ATF7: variants seen among roughly 807,000 people sequenced by gnomAD.
ATF7 encodes activating transcription factor 7, also known as cyclic AMP-dependent transcription factor ATF-7.
ATF7 carries 10 observed loss-of-function variants against 50.4 expected under a neutral mutation model. The observed-to-expected ratio is 0.20, with a 90% confidence interval of 0.12 to 0.34. The LOEUF is 0.34. Ranked by LOEUF, ATF7 falls within the 10% of genes least tolerant of loss-of-function variation. The pLI, the probability that ATF7 is intolerant of heterozygous loss-of-function variation, is 1.00. For missense variants in ATF7, 465 were observed against 613.9 expected (o/e 0.76, Z 2.56); for synonymous variants, 201 against 226.4 (o/e 0.89, Z 1.01).
intron 1 of ATF7, among the ~76,000 whole-genome samples, chr12:53,624,234 T>C (rs1944512234): frequency 1.3e-5 from 2 of 152,190 alleles, no homozygotes; most frequent in South Asian, 4.1e-4. Context: ...CAGTAGTTAA[T>C]GCTAACGGGT....
Position 53,524,525 on chromosome 12 carries a change from AT to A in ATF7, c.1125+38del, listed in dbSNP as rs780935031. On this transcript the variant is annotated intron_variant, in intron 10 of 11. Coordinates refer to ENST00000420353, the MANE Select transcript of ATF7 (RefSeq NM_006856.3). The surrounding 1 kb of genome is among the most constrained non-coding windows in gnomAD (Gnocchi z 4.6). ...TTTCTGATTCCATCCCACTTTCTGGATTTTCAACAATTCCAATAAGCATCCA... is the reference window on the plus strand; with the variant it reads ...TTTCTGATTCCATCCCACTTTCTGGATTTCAACAATTCCAATAAGCATCCA... 32 of 1,606,594 alleles carry A rather than the reference AT, an allele frequency of 2.0e-5. No homozygotes were observed. Among genetic ancestry groups the A allele is most frequent in the South Asian group, 1.2e-4 (11 of 90,096 alleles).
chr12:53,575,405 C>A (rs1380232739), intron 2 of ATF7, among the ~76,000 whole-genome samples: 6 of 123,736 alleles, frequency 4.8e-5, no homozygotes, highest in Non-Finnish European at 8.2e-5. Context: ...AAAACTCTGT[C>A]TTAAAAAAAA....
rs1938980920 is a variant in ATF7 at position 53,532,709 on chromosome 12, T to C, written c.661-86A>G. 1.1e-5 allele frequency: 11 copies of C among 963,386 alleles called. No individual in the cohort carries two copies. The South Asian group carries it at 1.2e-4, about 11-fold the overall frequency. 59.7% of individuals were successfully genotyped at this position (963,386 alleles called of 1,614,324 possible). ...ACAGTTTCCCTAAAATGAAGCGCTT[T>C]TGAGATTGGCACATCAGGGCCTGTT... On this transcript the variant is annotated intron_variant, in intron 7 of 11. Coordinates refer to ENST00000420353, the MANE Select transcript of ATF7 (RefSeq NM_006856.3).
At chr12:53,609,187 T>A (rs1211242330) in intron 1 of ATF7, among the ~76,000 whole-genome samples, 1 of 150,230 alleles carries the variant, frequency 6.7e-6, no homozygotes, top group Non-Finnish European at 1.5e-5. Context: ...AGGGTTCTGC[T>A]CTTGTTGCCC....
chr12:53,557,393 G>A (rs749484897), intron 2 of ATF7, among the ~76,000 whole-genome samples: 2 of 152,052 alleles, frequency 1.3e-5, no homozygotes, highest in Admixed American at 1.3e-4. Flanking sequence ...GTAGAGACAG[G>A]GTTTCACCAT....
chr12:53,573,902 G>C (rs1316075979), intron 2 of ATF7, among the ~76,000 whole-genome samples: 1 of 152,204 alleles, frequency 6.6e-6, no homozygotes, highest in Non-Finnish European at 1.5e-5. Flanking sequence ...GAAGTTTATA[G>C]TCCAGGGCAT....
intron 9 of ATF7, among the ~76,000 whole-genome samples, chr12:53,528,756 C>A (rs1216544160): frequency 6.6e-6 from 1 of 151,202 alleles, no homozygotes; most frequent in Non-Finnish European, 1.5e-5. Flanking sequence ...GAGCGAGACT[C>A]CATCTTAAAA....
In ATF7 at chr12:53,626,353, C is replaced by T. The variant is rs1236198086; in HGVS notation, c.-96G>A. 1 of 152,812 alleles carries T rather than the reference C, an allele frequency of 6.5e-6. No homozygotes were observed. The highest frequency in any genetic ancestry group is 1.5e-5 in the Non-Finnish European group (1 of 68,152). The allele number at this position is 152,812 out of a possible 1,614,324, so 9.5% of individuals were successfully genotyped here. On this transcript the variant is annotated 5_prime_UTR_variant, in exon 1 of 12. Transcript: ENST00000420353. ...CTGTCTCCAGCTCCTCCTTTCCCCC[C>T]TTGGCGGAACGGATACTTTCCTCCC...
At chr12:53,623,446 G>A (rs553911748) in intron 1 of ATF7, among the ~76,000 whole-genome samples, 3 of 152,154 alleles carry the variant, frequency 2.0e-5, no homozygotes, top group Non-Finnish European at 4.4e-5. Flanking sequence ...AACAACAAAA[G>A]AAATGAATGC....
intron 3 of ATF7, among the ~76,000 whole-genome samples, chr12:53,546,031 A>C (rs1037609595): frequency 1.3e-5 from 2 of 152,114 alleles, no homozygotes; most frequent in Middle Eastern, 3.2e-3. Context: ...TGTCTCCACT[A>C]AAAATACAAA....
intron 2 of ATF7, among the ~76,000 whole-genome samples, chr12:53,552,889 G>C (rs1940469620): frequency 6.6e-6 from 1 of 152,128 alleles, no homozygotes; most frequent in Admixed American, 6.6e-5. Flanking sequence ...GAAGTGGACA[G>C]ATTGTTGGTA....
intron 4 of ATF7, among the ~76,000 whole-genome samples, 174 bp from the exon 5 acceptor site, chr12:53,537,726 T>G (rs1939307539): frequency 1.3e-5 from 2 of 151,954 alleles, no homozygotes; most frequent in East Asian, 3.9e-4. Flanking sequence ...TTGTTTTGTA[T>G]TTTGAGGCGT....
chr12:53,585,202 C>G (rs1210382099), intron 2 of ATF7, among the ~76,000 whole-genome samples: 1 of 152,076 alleles, frequency 6.6e-6, no homozygotes, highest in Admixed American at 6.5e-5. Flanking sequence ...TCTTGAACTC[C>G]TGGGCTCCAG....
At chr12:53,550,180 G>A (rs1036234630) in intron 3 of ATF7, among the ~76,000 whole-genome samples, 2 of 151,512 alleles carry the variant, frequency 1.3e-5, no homozygotes, top group South Asian at 2.1e-4. Flanking sequence ...AAAATTAGCC[G>A]ATCGGTAGTG....
At chr12:53,572,653 T>A (rs1205065794) in intron 2 of ATF7, among the ~76,000 whole-genome samples, 1 of 152,128 alleles carries the variant, frequency 6.6e-6, no homozygotes, top group African/African-American at 2.4e-5. Context: ...AGTTCAAAAA[T>A]AGATGAGTAC....
chr12:53,615,256 C>T (rs1451219623), intron 1 of ATF7, among the ~76,000 whole-genome samples: 1 of 151,770 alleles, frequency 6.6e-6, no homozygotes, highest in African/African-American at 2.4e-5. Flanking sequence ...TGGTGGCGGG[C>T]GCCTGTAGTC....
chr12:53,534,369 A>C, intron 6 of ATF7, 133 bp downstream of exon 6: 1 of 1,354,212 alleles, frequency 7.4e-7, no homozygotes, highest in East Asian at 2.3e-5. Flanking sequence ...ATGGGGGAAA[A>C]ATTTATTTTG....
intron 1 of ATF7, among the ~76,000 whole-genome samples, chr12:53,608,780 C>G (rs1943720941): frequency 6.6e-6 from 1 of 152,196 alleles, no homozygotes; most frequent in South Asian, 2.1e-4. Context: ...GATAATTTAG[C>G]TGCCATTAAG....
At chr12:53,547,465 T>C (rs893962109) in intron 3 of ATF7, among the ~76,000 whole-genome samples, 3 of 150,650 alleles carry the variant, frequency 2.0e-5, no homozygotes, top group Admixed American at 2.0e-4. Context: ...TTTGTATTTT[T>C]AGTAGAGACA....
Sources: allele counts gnomAD v4.1 joint callset (sites outside exome capture counted in the v4.1 genomes callset), GRCh38; gene constraint gnomAD v4.1.1; non-coding constraint Gnocchi (gnomAD v3.1); transcripts MANE v1.5; gene names NCBI Gene and HGNC (gene_info 2026-07-23, HGNC 2026-07-21).